Variants in ATRN observed in about 807,000 individuals in gnomAD.
The protein encoded by ATRN is attractin, also known as attractin-2.
A neutral mutation model predicts 178.7 loss-of-function variants in ATRN; 54 were observed. The ratio of observed to expected loss-of-function variants is 0.30; its 90% CI spans 0.24 to 0.38. The LOEUF (loss-of-function observed/expected upper bound fraction) is 0.38. Among genes scored for constraint, ATRN ranks in the 10% least tolerant of loss-of-function variants. The pLI, the probability that ATRN is intolerant of heterozygous loss-of-function variation, is 1.00. For missense variants in ATRN, 1,443 were observed against 1,815.1 expected, an observed-to-expected ratio of 0.79 and a Z score of 3.73; for synonymous variants, 636 against 663.0, an observed-to-expected ratio of 0.96 and a Z score of 0.63.
intron 1 of ATRN, among the ~76,000 whole-genome samples, chr20:3,493,843 T>C (rs1194591070): frequency 6.6e-6 from 1 of 152,202 alleles, no homozygotes; most frequent in Non-Finnish European, 1.5e-5. Flanking sequence ...TAGTAAACTT[T>C]GCTCTTAATA....
intron 1 of ATRN, among the ~76,000 whole-genome samples, chr20:3,521,353 C>A: frequency 6.6e-6 from 1 of 151,418 alleles, no homozygotes. Context: ...AAAAAAAAAC[C>A]CAAAAACAAA....
rs1442433132 is a variant in ATRN at position 3,632,912 on chromosome 20, T to C, written c.3864-1399T>C. Among the ~76,000 whole-genome samples the C allele has an allele frequency of 6.6e-6, 1 of 152,174 alleles. No individual in the cohort carries two copies. Among genetic ancestry groups the C allele is most frequent in the Non-Finnish European group, 1.5e-5 (1 of 68,028 alleles). On this transcript the variant is annotated intron_variant, in intron 25 of 28. Coordinates refer to ENST00000262919, the MANE Select transcript of ATRN (RefSeq NM_139321.3). The surrounding 1 kb of genome is among the most constrained non-coding windows in gnomAD (Gnocchi z 4.2). ...ATCTTTGCCAAGGCAGGCAGATCACTTGAGGTTAGGAGTTTGAGACCAGAC... is the reference window on the plus strand; with the variant it reads ...ATCTTTGCCAAGGCAGGCAGATCACCTGAGGTTAGGAGTTTGAGACCAGAC...
intron 1 of ATRN, among the ~76,000 whole-genome samples, chr20:3,474,631 C>A (rs371143791): frequency 6.6e-6 from 1 of 151,296 alleles, no homozygotes; most frequent in South Asian, 2.1e-4. Context: ...GGCGTGAACC[C>A]GGGAGGCAGA....
intron 24 of ATRN, among the ~76,000 whole-genome samples, chr20:3,610,368 A>G (rs1380028003): frequency 1.3e-5 from 2 of 152,170 alleles, no homozygotes; most frequent in Admixed American, 6.5e-5. Flanking sequence ...AGGCTGATCT[A>G]TAGGTAGATC....
intron 1 of ATRN, among the ~76,000 whole-genome samples, chr20:3,480,869 G>C (rs2084610888): frequency 6.6e-6 from 1 of 152,178 alleles, no homozygotes; most frequent in East Asian, 1.9e-4. Context: ...TGAGTACCTA[G>C]TGTTATGATT....
chr20:3,473,404 G>A (rs944092481), intron 1 of ATRN, among the ~76,000 whole-genome samples: 4 of 152,128 alleles, frequency 2.6e-5, no homozygotes, highest in South Asian at 2.1e-4. Flanking sequence ...GGGTTGAAGC[G>A]GATGGAAGGC....
chr20:3,547,476 C>T lies in ATRN; in HGVS notation c.930C>T (p.Phe310=). 1 of 1,613,476 alleles carries T rather than the reference C, an allele frequency of 6.2e-7. No individual in the cohort carries two copies. The highest frequency in any genetic ancestry group is 1.1e-5 in the South Asian group (1 of 91,038). Residue 310 remains phenylalanine (F), a synonymous_variant, in exon 5 of 29, where the codon TTC becomes TTT. Coordinates refer to ENST00000262919, the MANE Select transcript of ATRN (RefSeq NM_139321.3). The part of the protein sequence containing the change: ...NSSDVRGCSC[F]SDWQGPGCSV... ...GTGATGTCAGAGGATGCTCCTGCTT[C>T]TCAGACTGGCAGGGTAGGAGCTTCT...
chr20:3,642,800 G>T (rs1471587382), intron 27 of ATRN, among the ~76,000 whole-genome samples: 1 of 152,152 alleles, frequency 6.6e-6, no homozygotes, highest in East Asian at 1.9e-4. Context: ...CACTACTCTA[G>T]GTACTGCTAG....
At position 3,645,946 on chromosome 20, in the gene ATRN, T is replaced by C. The variant is rs1004757336; in HGVS notation, c.4166-777T>C. Among the ~76,000 whole-genome samples the C allele has an allele frequency of 3.9e-5, 6 of 152,074 alleles. No homozygotes were observed. The highest frequency in any genetic ancestry group is 2.0e-4 in the Admixed American group (3 of 15,278). ...TCCGTTATCAATACAGGAAGGAAAA[T>C]GGGATTGCAAGTCCCCAAAGCAAAG... On this transcript the variant is annotated intron_variant, in intron 28 of 28. Coordinates refer to ENST00000262919, the MANE Select transcript of ATRN (RefSeq NM_139321.3). The surrounding 1 kb of genome is among the most constrained non-coding windows in gnomAD (Gnocchi z 4.7).
At chr20:3,612,923 C>T (rs1466900131) in intron 24 of ATRN, among the ~76,000 whole-genome samples, 1 of 152,210 alleles carries the variant, frequency 6.6e-6, no homozygotes, top group African/African-American at 2.4e-5. Flanking sequence ...GATGGCCATA[C>T]TTGTTGCCAA....
intron 22 of ATRN, 89 bp downstream of exon 22, chr20:3,598,089 T>C: frequency 1.2e-6 from 1 of 830,336 alleles, no homozygotes; most frequent in Non-Finnish European, 2.0e-6. Flanking sequence ...GCCTTAACAG[T>C]GCTCTCCAGA....
In ATRN at chr20:3,607,333, T is replaced by C. The variant is rs557716349; in HGVS notation, c.3801+3071T>C. On this transcript the variant is annotated intron_variant, in intron 24 of 28. Transcript: ENST00000262919. Reference sequence around the variant, plus strand: ...TAATGACTATTGTGCCATTGAACACTAGAACTTATTCCTTGTAACTCTATT... The same window carrying C: ...TAATGACTATTGTGCCATTGAACACCAGAACTTATTCCTTGTAACTCTATT... Among the ~76,000 whole-genome samples the C allele has an allele frequency of 2.0e-5, 3 of 152,322 alleles. No individual in the cohort carries two copies. In the South Asian group the frequency reaches 6.2e-4, roughly 32 times the overall value.
chr20:3,502,822 G>A (rs912081274), intron 1 of ATRN, among the ~76,000 whole-genome samples: 3 of 152,170 alleles, frequency 2.0e-5, no homozygotes, highest in African/African-American at 7.2e-5. Context: ...TTGCAAAAAG[G>A]ACATAGCCAC....
rs2086497736 is a variant in ATRN, at chr20:3,594,558, G to A, written c.3402G>A (p.Gly1134=). The A allele has an allele frequency of 6.2e-7, 1 of 1,611,908 alleles. No individual in the cohort carries two copies. The highest frequency in any genetic ancestry group is 8.5e-7 in the Non-Finnish European group (1 of 1,178,540). The change falls in exon 20 of 29, where the codon GGG becomes GGA. Residue 1134 remains glycine, a synonymous_variant. Coordinates refer to ENST00000262919, the MANE Select transcript of ATRN (RefSeq NM_139321.3). The stretch of plus-strand genomic sequence containing the variant: ...TCTGCACCACCAAGGGCGTCAAGGG[G>A]GACGAGTGCCAGCTGTGAGTACCAT... ...KCFCTTKGVK[G]DECQLCEVEN...
chr20:3,481,351 G>A (rs994298390), intron 1 of ATRN, among the ~76,000 whole-genome samples: 5 of 151,650 alleles, frequency 3.3e-5, no homozygotes, highest in African/African-American at 9.7e-5. Flanking sequence ...ATTGATCTTC[G>A]AGTGTTTGAG....
intron 20 of ATRN, among the ~76,000 whole-genome samples, chr20:3,596,152 G>C (rs934349610): frequency 1.3e-5 from 2 of 152,186 alleles, no homozygotes; most frequent in African/African-American, 4.8e-5. Context: ...TTTGGCAAAT[G>C]CTTGTCAATT....
At chr20:3,513,721 A>G (rs2085168100) in intron 1 of ATRN, among the ~76,000 whole-genome samples, 1 of 152,200 alleles carries the variant, frequency 6.6e-6, no homozygotes, top group African/African-American at 2.4e-5. Context: ...TCTTCTATCC[A>G]TGAGCATGGA....
Position 3,560,846 on chromosome 20 carries a change from T to C in ATRN, c.1388T>C (p.Val463Ala). The C allele has an allele frequency of 6.2e-7, 1 of 1,614,170 alleles. No homozygotes were observed. The highest frequency in any genetic ancestry group is 8.5e-7 in the Non-Finnish European group (1 of 1,180,008). Residue 463 changes from valine to alanine, a missense_variant, in exon 8 of 29, where the codon GTC becomes GCC. Around this residue, in one of 4 missense-constraint regions of ATRN, gnomAD observed 862 missense variants for 972.1 expected, o/e 0.89. Coordinates refer to ENST00000262919, the MANE Select transcript of ATRN (RefSeq NM_139321.3). ...TLKNGRVVML[V>A]IFGHCPLYGY... ...AAGAATGGCCGAGTGGTCATGCTGG[T>C]CATCTTTGGTCACTGCCCTCTCTAT...
intron 11 of ATRN, among the ~76,000 whole-genome samples, chr20:3,568,995 A>G (rs959684337): frequency 2.6e-5 from 4 of 152,156 alleles, no homozygotes; most frequent in Non-Finnish European, 4.4e-5. Flanking sequence ...AAGAAGGGAG[A>G]GCATCTCCTT....
Sources: allele counts gnomAD v4.1 joint callset (sites outside exome capture counted in the v4.1 genomes callset), GRCh38; gene constraint gnomAD v4.1.1; regional missense constraint gnomAD v4.1.1; non-coding constraint Gnocchi (gnomAD v3.1); transcripts MANE v1.5; gene names NCBI Gene and HGNC (gene_info 2026-07-23, HGNC 2026-07-21).